The following FRMD7 variants were observed in gnomAD, a reference collection of about 807,000 sequenced individuals.
FRMD7 encodes FERM domain-containing protein 7.
In FRMD7, 14 loss-of-function variants were observed where a neutral mutation model predicts 44.1. The ratio of observed to expected loss-of-function variants is 0.32; its 90% CI spans 0.21 to 0.50. The LOEUF (loss-of-function observed/expected upper bound fraction) is 0.50, where lower values mean the gene tolerates loss of function less well. Among genes scored for constraint, FRMD7 ranks in the 20% least tolerant of loss-of-function variants. The pLI is 0.99. For missense variants in FRMD7, 501 were observed against 522.3 expected, an observed-to-expected ratio of 0.96 and a Z score of 0.40; for synonymous variants, 212 against 187.4, an observed-to-expected ratio of 1.13 and a Z score of -1.07.
In FRMD7 at chrX:132,089,732, G is replaced by C. The variant is rs750502867; in HGVS notation, c.383-3698C>G. ...AACATTGGAATAAGCACATGAAACT[G>C]TGCTCAACATCGTTAGTCATTAGGA... is the stretch of plus-strand genomic sequence containing the variant. On this transcript the variant is annotated intron_variant, in intron 5 of 11. Coordinates refer to ENST00000298542, the MANE Select transcript of FRMD7 (RefSeq NM_194277.3). Among the ~76,000 whole-genome samples the C allele has an allele frequency of 1.7e-3, 193 of 112,074 alleles. 1 individual carries two copies. The highest frequency in any genetic ancestry group is 3.3e-3 in the Non-Finnish European group (173 of 53,222).
At chrX:132,095,918 C>A (rs780538425) in intron 4 of FRMD7, among the ~76,000 whole-genome samples, 1 of 112,631 alleles carries the variant, frequency 8.9e-6, no homozygotes, top group South Asian at 3.7e-4. Flanking sequence ...TGTCATTTGA[C>A]ACGTTCCTTG....
chrX:132,096,906 A>C (rs1294070370), intron 4 of FRMD7, among the ~76,000 whole-genome samples: 2 of 111,156 alleles, frequency 1.8e-5, no homozygotes, highest in African/African-American at 6.6e-5. Flanking sequence ...CCACATTTTC[A>C]ATTTCCATGG....
At chrX:132,084,986 G>A (rs956277388) in intron 7 of FRMD7, among the ~76,000 whole-genome samples, 2 of 111,511 alleles carry the variant, frequency 1.8e-5, no homozygotes, top group African/African-American at 6.5e-5. Context: ...ATCACATCAT[G>A]GCCATATCTT....
intron 5 of FRMD7, among the ~76,000 whole-genome samples, chrX:132,088,550 C>T (rs1288787126): frequency 1.0e-5 from 1 of 97,575 alleles, no homozygotes; most frequent in Non-Finnish European, 2.0e-5. Flanking sequence ...TGAGTGAGGC[C>T]CTGTCTCAAA....
At position 132,099,634 on chromosome X, in the gene FRMD7, T is replaced by A. The variant is rs192859105; in HGVS notation, c.163-124A>T. The A allele has an allele frequency of 4.6e-4, 224 of 484,078 alleles. No individual in the cohort carries two copies. In the African/African-American group the frequency reaches 5.0e-3, roughly 11 times the overall value. 39.9% of individuals were successfully genotyped at this position (484,078 alleles called of 1,213,427 possible). A position where few individuals can be genotyped will look rare whatever the true frequency, so the allele number is the denominator to read the frequency against. On this transcript the variant is annotated intron_variant, in intron 2 of 11. Coordinates refer to ENST00000298542, the MANE Select transcript of FRMD7 (RefSeq NM_194277.3). ...CCAGGACTATTTAGACTTCTAAAGG[T>A]AGAAACAAACAGCAATGTCAAATAG...
rs34250894 is a variant in FRMD7, at chrX:132,096,716, CAAAAAAAAAA to C, written c.284+540_284+549del. 7.2e-5 allele frequency among the ~76,000 whole-genome samples: 4 copies of C among 55,589 alleles called. No homozygotes were observed. The Admixed American group carries it at 1.1e-3, about 15-fold the overall frequency. The allele number at this position is 55,589 out of a possible 115,157, so 48.3% of individuals were successfully genotyped here. A position where few individuals can be genotyped will look rare whatever the true frequency, so the allele number is the denominator to read the frequency against. On this transcript the variant is annotated intron_variant, in intron 4 of 11. Transcript: ENST00000298542. ...CCTGAGGCAGAGCAAGACCCTGTCT[CAAAAAAAAAA>C]AAAAAAAAAAGTGTAAGTCTAGAAA... is the stretch of plus-strand genomic sequence containing the variant.
chrX:132,124,238 C>T (rs774126080), intron 1 of FRMD7, among the ~76,000 whole-genome samples: 44 of 111,818 alleles, frequency 3.9e-4, no homozygotes, highest in Non-Finnish European at 6.6e-4. Flanking sequence ...ACCAAATATA[C>T]AATAAAACCT....
intron 2 of FRMD7, 94 bp from the exon 3 acceptor site, chrX:132,099,604 G>C: frequency 1.7e-6 from 1 of 603,780 alleles, no homozygotes; most frequent in Non-Finnish European, 2.7e-6. Flanking sequence ...TGAAATAAAT[G>C]AGTACCAGGA....
chrX:132,079,559 A>G (rs916040898), intron 11 of FRMD7, among the ~76,000 whole-genome samples: 3 of 112,244 alleles, frequency 2.7e-5, no homozygotes, highest in Non-Finnish European at 5.6e-5. Context: ...AAAATGTCAA[A>G]GGAAGCCATC....
Position 132,080,231 on chromosome X carries a change from C to G in FRMD7, c.941G>C (p.Arg314Thr). The change falls in exon 10 of 12, where the codon AGA becomes ACA. Residue 314 changes from arginine (R) to threonine (T), a missense_variant. Physicochemically the swap from Arg to Thr is moderately conservative, Grantham distance 71. Around this residue, in one of 3 missense-constraint regions of FRMD7, gnomAD observed 453 missense variants for 452.7 expected, o/e 1.00. Coordinates refer to ENST00000298542, the MANE Select transcript of FRMD7 (RefSeq NM_194277.3). ...TGGCAAGCTCTTCAGCCTCCCTTTT[C>G]TCCCATATTCCAAAAGTTGCCTTTG... ...RTQRQLLEYG[R>T]KGRLKSLPFE... The G allele has an allele frequency of 1.7e-6, 2 of 1,205,788 alleles. No individual in the cohort carries two copies. Among genetic ancestry groups the G allele is most frequent in the South Asian group, 1.8e-5 (1 of 56,865 alleles).
Position 132,122,955 on chromosome X carries a change from T to A in FRMD7, c.57+4833A>T, listed in dbSNP as rs752305103. Reference sequence around the variant, plus strand: ...GAAAGGTCTAGCTGCCAACCTCTTCTTCAACTTTGACCTCCAGTCACTGCC... The same window carrying A: ...GAAAGGTCTAGCTGCCAACCTCTTCATCAACTTTGACCTCCAGTCACTGCC... On this transcript the variant is annotated intron_variant, in intron 1 of 11. Coordinates refer to ENST00000298542, the MANE Select transcript of FRMD7 (RefSeq NM_194277.3). Among the ~76,000 whole-genome samples the A allele has an allele frequency of 2.7e-5, 3 of 111,832 alleles. No homozygotes were observed. In the East Asian group the frequency reaches 8.4e-4, roughly 31 times the overall value.
intron 1 of FRMD7, among the ~76,000 whole-genome samples, chrX:132,120,959 G>A (rs987901407): frequency 2.7e-5 from 3 of 112,210 alleles, no homozygotes; most frequent in Non-Finnish European, 3.8e-5. Context: ...AGATTGGAAC[G>A]TTATGATTCC....
chrX:132,116,916 T>A (rs1331799329), intron 1 of FRMD7, among the ~76,000 whole-genome samples: 1 of 111,588 alleles, frequency 9.0e-6, no homozygotes, highest in African/African-American at 3.3e-5. Context: ...CTTCAAAGAG[T>A]GGATGGAGTG....
intron 2 of FRMD7, 110 bp from the exon 3 acceptor site, chrX:132,099,620 T>A: frequency 1.9e-6 from 1 of 534,892 alleles, no homozygotes; most frequent in East Asian, 3.9e-5. Flanking sequence ...CAGGACTATT[T>A]AGACTTCTAA....
intron 5 of FRMD7, among the ~76,000 whole-genome samples, chrX:132,093,446 C>T (rs763556529): frequency 8.9e-6 from 1 of 112,459 alleles, no homozygotes; most frequent in Non-Finnish European, 1.9e-5. Flanking sequence ...GGCATCACCC[C>T]CTCCCTGGAA....
At chrX:132,121,137 G>A (rs914740727) in intron 1 of FRMD7, among the ~76,000 whole-genome samples, 3 of 111,549 alleles carry the variant, frequency 2.7e-5, no homozygotes, top group Non-Finnish European at 3.8e-5. Context: ...TGCTTGTGAT[G>A]TATCTGCTAG....
intron 1 of FRMD7, among the ~76,000 whole-genome samples, chrX:132,126,973 G>GA (rs1929171337): frequency 8.9e-6 from 1 of 112,233 alleles, no homozygotes; most frequent in African/African-American, 3.2e-5. Context: ...ATGTATAAAA[G>GA]AAAAAAACCA....
intron 4 of FRMD7, among the ~76,000 whole-genome samples, chrX:132,095,068 T>C (rs987557916): frequency 1.2e-5 from 1 of 81,837 alleles, no homozygotes; most frequent in East Asian, 3.3e-4. Flanking sequence ...TTTTATTTAT[T>C]TATTTATTTA....
chrX:132,102,264 C>T (rs903155501), intron 1 of FRMD7, among the ~76,000 whole-genome samples: 3 of 111,608 alleles, frequency 2.7e-5, no homozygotes, highest in Non-Finnish European at 3.8e-5. Flanking sequence ...AGAGCTCCAC[C>T]GACTCAAGAT....
Sources: allele counts gnomAD v4.1 joint callset (sites outside exome capture counted in the v4.1 genomes callset), GRCh38; gene constraint gnomAD v4.1.1; regional missense constraint gnomAD v4.1.1; transcripts MANE v1.5; gene names NCBI Gene and HGNC (gene_info 2026-07-23, HGNC 2026-07-21).